KLHL29: variants seen among roughly 807,000 people sequenced by gnomAD.
The protein encoded by KLHL29 is kelch like family member 29.
Under a neutral mutation model 80.4 loss-of-function variants are expected in KLHL29, and 21 were observed. The ratio of observed to expected loss-of-function variants is 0.26; its 90% CI spans 0.19 to 0.38. KLHL29 has a LOEUF of 0.38. Among genes scored for constraint, KLHL29 ranks in the 10% least tolerant of loss-of-function variants. The pLI is 1.00. For synonymous variants in KLHL29, 511 were observed against 526.8 expected, an observed-to-expected ratio of 0.97 and a Z score of 0.41; for missense variants, 867 against 1,223.9, an observed-to-expected ratio of 0.71 and a Z score of 4.35.
chr2:23,552,756 C>CTTTTGTTTTT (rs1238425324), intron 2 of KLHL29, among the ~76,000 whole-genome samples: 1 of 50,754 alleles, frequency 2.0e-5, no homozygotes, highest in Admixed American at 2.0e-4. Flanking sequence ...GCTCTGGTTT[C>CTTTTGTTTTT]TTTTCTTTTT....
At chr2:23,568,653 A>C (rs574144808) in intron 3 of KLHL29, among the ~76,000 whole-genome samples, 2 of 152,238 alleles carry the variant, frequency 1.3e-5, no homozygotes, top group South Asian at 4.1e-4. Flanking sequence ...AGCAGGAGGC[A>C]TGGCCAAGCC....
chr2:23,477,434 T>C (rs1202014112), intron 2 of KLHL29, among the ~76,000 whole-genome samples: 1 of 152,216 alleles, frequency 6.6e-6, no homozygotes, highest in Non-Finnish European at 1.5e-5. Flanking sequence ...GCAGCCTTGG[T>C]TGTCAGCAGG....
At chr2:23,701,507 G>A (rs898245255) in intron 11 of KLHL29, among the ~76,000 whole-genome samples, 3 of 152,208 alleles carry the variant, frequency 2.0e-5, no homozygotes, top group African/African-American at 4.8e-5. Context: ...AAGCTCAGGA[G>A]TTCGAGACCA....
chr2:23,402,791 GA>G (rs1376183119), intron 1 of KLHL29, among the ~76,000 whole-genome samples: 1 of 152,128 alleles, frequency 6.6e-6, no homozygotes, highest in Non-Finnish European at 1.5e-5. Context: ...TTATTTGAGA[GA>G]ATAGTTTTTA....
intron 1 of KLHL29, among the ~76,000 whole-genome samples, chr2:23,454,385 G>C (rs555512331): frequency 6.6e-6 from 1 of 152,124 alleles, no homozygotes; most frequent in Admixed American, 6.5e-5. Flanking sequence ...AAGATTAAAC[G>C]AGTATGTTTA....
chr2:23,517,371 C>T (rs1489418348), intron 2 of KLHL29, among the ~76,000 whole-genome samples: 10 of 152,096 alleles, frequency 6.6e-5, no homozygotes, highest in African/African-American at 2.2e-4. Context: ...GGTGAAACGC[C>T]GTCTCTACTA....
rs1048810563 is a variant in KLHL29 at position 23,669,689 on chromosome 2, G to A, written c.941-14710G>A. Among the ~76,000 whole-genome samples the A allele has an allele frequency of 4.6e-5, 7 of 152,134 alleles. No individual in the cohort carries two copies. Among genetic ancestry groups the A allele is most frequent in the Admixed American group, 1.3e-4 (2 of 15,288 alleles). On this transcript the variant is annotated intron_variant, in intron 5 of 13. Transcript: ENST00000486442. The surrounding 1 kb of genome is among the most constrained non-coding windows in gnomAD (Gnocchi z 4.3). ...GTAGGGGATGGTCCCCCCTCTGTGT[G>A]GCTGCCCTGCCACCCCCAGTCAGCC...
chr2:23,628,653 A>G (rs1669386022), intron 3 of KLHL29, among the ~76,000 whole-genome samples: 1 of 152,202 alleles, frequency 6.6e-6, no homozygotes, highest in South Asian at 2.1e-4. Context: ...CCCTGTATCA[A>G]AAATAGTAAT....
At chr2:23,597,383 G>GTGTGTATATA (rs1444343783) in intron 3 of KLHL29, among the ~76,000 whole-genome samples, 3 of 23,578 alleles carry the variant, frequency 1.3e-4, no homozygotes, top group African/African-American at 4.1e-4. Context: ...GTGTGTGTGT[G>GTGTGTATATA]TATATATATA....
chr2:23,433,091 T>C (rs950437102), intron 1 of KLHL29, among the ~76,000 whole-genome samples: 5 of 152,198 alleles, frequency 3.3e-5, no homozygotes, highest in Non-Finnish European at 5.9e-5. Flanking sequence ...GAGCACCTCC[T>C]GCCGTCTGGC....
At chr2:23,491,914 T>C (rs987294963) in intron 2 of KLHL29, among the ~76,000 whole-genome samples, 11 of 152,190 alleles carry the variant, frequency 7.2e-5, no homozygotes, top group Non-Finnish European at 1.5e-5. Context: ...TACTACAGGC[T>C]GTCAGCTCTG....
chr2:23,683,518 C>T (rs1314826915), intron 5 of KLHL29, among the ~76,000 whole-genome samples: 1 of 152,234 alleles, frequency 6.6e-6, no homozygotes, highest in East Asian at 1.9e-4. Context: ...CTTCTCCTTT[C>T]TAAGCCTTGG....
intron 1 of KLHL29, among the ~76,000 whole-genome samples, chr2:23,403,927 A>T (rs931956257): frequency 2.6e-5 from 4 of 152,092 alleles, no homozygotes; most frequent in African/African-American, 9.7e-5. Context: ...CCTCCCAAGA[A>T]TTCTGGAGAC....
intron 1 of KLHL29, among the ~76,000 whole-genome samples, chr2:23,420,358 C>T (rs532671974): frequency 5.9e-5 from 9 of 152,256 alleles, no homozygotes; most frequent in East Asian, 5.8e-4. Flanking sequence ...GCGTGCAGCC[C>T]GTTGAGCTAA....
chr2:23,699,641 G>A (rs1412967358), intron 11 of KLHL29, among the ~76,000 whole-genome samples: 1 of 152,070 alleles, frequency 6.6e-6, no homozygotes, highest in African/African-American at 2.4e-5. Flanking sequence ...CTGCTGCTTT[G>A]TCCTGCACCC....
chr2:23,429,007 G>A (rs1663085052), intron 1 of KLHL29, among the ~76,000 whole-genome samples: 1 of 152,204 alleles, frequency 6.6e-6, no homozygotes, highest in African/African-American at 2.4e-5. Context: ...AGCTTTGGTT[G>A]GGCTAGTGTC....
At chr2:23,456,488 G>T (rs566338149) in intron 1 of KLHL29, among the ~76,000 whole-genome samples, 7 of 152,204 alleles carry the variant, frequency 4.6e-5, no homozygotes, top group African/African-American at 1.7e-4. Flanking sequence ...TCTCTTTTCC[G>T]TGGATCTTCA....
intron 1 of KLHL29, among the ~76,000 whole-genome samples, chr2:23,411,319 T>C (rs1666853197): frequency 6.6e-6 from 1 of 151,168 alleles, no homozygotes; most frequent in Admixed American, 6.6e-5. Context: ...AGAGGAAGTG[T>C]TGTGGGAATG....
In KLHL29 at chr2:23,606,980, A is replaced by G. The variant is rs111522026; in HGVS notation, c.286-32159A>G. On this transcript the variant is annotated intron_variant, in intron 3 of 13. Transcript: ENST00000486442. ...GGGTTGGGCCTGGCTCATGGACAGC[A>G]CCTTCTAACTGTACTCCATGGTGGA... Among the ~76,000 whole-genome samples, 315 of 152,304 alleles carry G rather than the reference A, an allele frequency of 2.1e-3. 2 individuals are homozygous for G. Among genetic ancestry groups the G allele is most frequent in the African/African-American group, 7.1e-3 (293 of 41,556 alleles).
Sources: allele counts gnomAD v4.1 joint callset (sites outside exome capture counted in the v4.1 genomes callset), GRCh38; gene constraint gnomAD v4.1.1; non-coding constraint Gnocchi (gnomAD v3.1); transcripts MANE v1.5; gene names NCBI Gene and HGNC (gene_info 2026-07-23, HGNC 2026-07-21).